KIF26B: variants seen among roughly 807,000 people sequenced by gnomAD.
KIF26B encodes the protein kinesin family member 26B.
Under a neutral mutation model 151.2 loss-of-function variants are expected in KIF26B, and 63 were observed. That is an observed-to-expected ratio of 0.42 (90% CI 0.34 to 0.51). The LOEUF (loss-of-function observed/expected upper bound fraction) is 0.51. Among genes scored for constraint, KIF26B ranks in the 20% least tolerant of loss-of-function variants. The pLI is 0.07. For synonymous variants in KIF26B, 1,357 were observed against 1,262.1 expected, an observed-to-expected ratio of 1.08 and a Z score of -1.59; for missense variants, 2,813 against 2,913.6, an observed-to-expected ratio of 0.97 and a Z score of 0.79.
chr1:245,355,997 G>A (rs530015255), intron 2 of KIF26B, among the ~76,000 whole-genome samples: 40 of 152,168 alleles, frequency 2.6e-4, no homozygotes, highest in African/African-American at 9.2e-4. Flanking sequence ...CTGGGTGCTC[G>A]TCAGCACGCA....
chr1:245,205,555 T>C (rs1381067455), intron 2 of KIF26B, among the ~76,000 whole-genome samples: 5 of 152,174 alleles, frequency 3.3e-5, no homozygotes, highest in African/African-American at 1.2e-4. Context: ...ACACAATTGC[T>C]ACACTCACTT....
chr1:245,246,111 AAAAAG>A (rs1394975173), intron 2 of KIF26B, among the ~76,000 whole-genome samples: 1 of 92,982 alleles, frequency 1.1e-5, no homozygotes, highest in Admixed American at 1.3e-4. Context: ...AAAAAAAAAA[AAAAAG>A]AAAGGTTTGC....
chr1:245,529,114 G>A (rs754331260), intron 4 of KIF26B, among the ~76,000 whole-genome samples: 59 of 152,074 alleles, frequency 3.9e-4, no homozygotes, highest in South Asian at 2.1e-4. Flanking sequence ...CCGCTCCATC[G>A]GAGTCCCCGT....
chr1:245,212,557 C>T (rs907223625), intron 2 of KIF26B, among the ~76,000 whole-genome samples: 4 of 152,228 alleles, frequency 2.6e-5, no homozygotes, highest in East Asian at 1.9e-4. Context: ...CCCAATCCTA[C>T]GGGTGAATGA....
chr1:245,580,965 G>A (rs1261557315), intron 5 of KIF26B, among the ~76,000 whole-genome samples: 2 of 152,186 alleles, frequency 1.3e-5, no homozygotes, highest in African/African-American at 4.8e-5. Context: ...TTAGAATGAC[G>A]CAGACCCGAG....
At chr1:245,528,631 C>T (rs189043367) in intron 4 of KIF26B, among the ~76,000 whole-genome samples, 20 of 152,286 alleles carry the variant, frequency 1.3e-4, no homozygotes, top group African/African-American at 4.6e-4. Context: ...CCATATGTCA[C>T]GTGGCATCAA....
intron 2 of KIF26B, among the ~76,000 whole-genome samples, chr1:245,309,496 G>A (rs372035227): frequency 2.6e-5 from 4 of 152,064 alleles, no homozygotes; most frequent in South Asian, 2.1e-4. Context: ...ATGGAATGAC[G>A]CCATCGGGTC....
chr1:245,168,828 GA>G lies in KIF26B; in HGVS notation c.465+12147del, dbSNP rs971506063. On this transcript the variant is annotated intron_variant, in intron 2 of 14. Coordinates refer to ENST00000407071, the MANE Select transcript of KIF26B (RefSeq NM_018012.4). ...GTGTTTGATGCTGTGGTCTGGGAAAGAATGGAACAGGTAGCTGCCCGCTGAG... is the reference window on the plus strand; with the variant it reads ...GTGTTTGATGCTGTGGTCTGGGAAAGATGGAACAGGTAGCTGCCCGCTGAG... Among the ~76,000 whole-genome samples the G allele has an allele frequency of 5.8e-4, 88 of 152,318 alleles. 1 individual carries two copies. The highest frequency in any genetic ancestry group is 1.9e-3 in the African/African-American group (78 of 41,572).
intron 2 of KIF26B, among the ~76,000 whole-genome samples, chr1:245,197,896 C>T (rs1157768848): frequency 6.6e-6 from 1 of 152,140 alleles, no homozygotes; most frequent in African/African-American, 2.4e-5. Context: ...CACTCCCATG[C>T]GTACTGGAGT....
chr1:245,648,619 T>A (rs540974541), intron 10 of KIF26B, among the ~76,000 whole-genome samples: 1 of 149,006 alleles, frequency 6.7e-6, no homozygotes, highest in Non-Finnish European at 1.5e-5. Context: ...GGCAACAGAG[T>A]GAGACCCTGT....
chr1:245,312,635 G>GTA (rs1671684791), intron 2 of KIF26B, among the ~76,000 whole-genome samples: 1 of 152,086 alleles, frequency 6.6e-6, no homozygotes, highest in Admixed American at 6.5e-5. Flanking sequence ...GGGGTGGGCG[G>GTA]TAGCAAGTGT....
At position 245,156,642 on chromosome 1, in the gene KIF26B, C is replaced by G; in HGVS notation, c.424C>G (p.Gln142Glu). Reference sequence around the variant, plus strand: ...CGCCCGCCTGGTGGAGCTCAAGAGGCAGGCCCTGAGGTTGCTCCTCCCGGG... The same window carrying G: ...CGCCCGCCTGGTGGAGCTCAAGAGGGAGGCCCTGAGGTTGCTCCTCCCGGG... ...CNARLVELKR[Q>E]ALRLLLPGPF... Residue 142 changes from glutamine to glutamate, a missense_variant, in exon 2 of 15, where the codon CAG becomes GAG. Gln to Glu is a conservative substitution (Grantham distance 29). This residue lies in a region of KIF26B where 676 missense variants were observed against 688.1 expected (regional missense o/e 0.98). Coordinates refer to ENST00000407071, the MANE Select transcript of KIF26B (RefSeq NM_018012.4). 6.6e-7 allele frequency: 1 copy of G among 1,521,900 alleles called. No individual in the cohort carries two copies. Among genetic ancestry groups the G allele is most frequent in the Non-Finnish European group, 8.8e-7 (1 of 1,141,674 alleles). The allele number at this position is 1,521,900 out of a possible 1,614,324, so 94.3% of individuals were successfully genotyped here. A position where few individuals can be genotyped will look rare whatever the true frequency, so the allele number is the denominator to read the frequency against.
intron 5 of KIF26B, among the ~76,000 whole-genome samples, chr1:245,581,183 C>G (rs895342600): frequency 2.0e-5 from 3 of 152,182 alleles, no homozygotes; most frequent in Non-Finnish European, 4.4e-5. Flanking sequence ...CCTTTTGGTC[C>G]TTTGAGTAAC....
intron 10 of KIF26B, among the ~76,000 whole-genome samples, chr1:245,675,060 T>A (rs2050878): frequency 0.48 from 73,158 of 152,062 alleles, 19,915 homozygotes; most frequent in East Asian, 0.82. Flanking sequence ...CTACAATTTA[T>A]TATGTTGGAA....
At chr1:245,573,804 C>G (rs373980340) in intron 5 of KIF26B, among the ~76,000 whole-genome samples, 7 of 152,240 alleles carry the variant, frequency 4.6e-5, no homozygotes, top group African/African-American at 1.7e-4. Flanking sequence ...TGCTGTTTTT[C>G]TGATCTGGTA....
At chr1:245,410,060 C>T (rs1159133463) in intron 3 of KIF26B, among the ~76,000 whole-genome samples, 1 of 152,218 alleles carries the variant, frequency 6.6e-6, no homozygotes, top group Non-Finnish European at 1.5e-5. Flanking sequence ...GCAAGTATTA[C>T]TCATGCAAGT....
intron 3 of KIF26B, among the ~76,000 whole-genome samples, chr1:245,416,427 A>G (rs910120928): frequency 1.1e-4 from 16 of 152,336 alleles, no homozygotes; most frequent in African/African-American, 3.4e-4. Flanking sequence ...TATTTCACAA[A>G]CATGTTTTGA....
chr1:245,666,462 C>G (rs905236350), intron 10 of KIF26B, among the ~76,000 whole-genome samples: 26 of 152,140 alleles, frequency 1.7e-4, no homozygotes, highest in African/African-American at 5.8e-4. Flanking sequence ...AAGTGAGCAA[C>G]TGGTCAGCCG....
intron 4 of KIF26B, among the ~76,000 whole-genome samples, chr1:245,486,396 A>C (rs201417858): frequency 3.6e-5 from 1 of 27,484 alleles, no homozygotes; most frequent in Non-Finnish European, 1.3e-4. Flanking sequence ...TTAAGGGAGG[A>C]AAAAAAAAAG....
Sources: gnomAD v4.1 joint callset for allele counts (sites outside exome capture counted in the v4.1 genomes callset) on GRCh38, gnomAD v4.1.1 for gene constraint, gnomAD v4.1.1 regional missense constraint, MANE v1.5 for transcripts, NCBI Gene and HGNC (gene_info 2026-07-23, HGNC 2026-07-21) for gene names.